The following SGCZ variants were observed in gnomAD, a reference collection of about 807,000 sequenced individuals.
SGCZ encodes the protein sarcoglycan zeta, also known as zeta-sarcoglycan.
Under a neutral mutation model 41.3 loss-of-function variants are expected in SGCZ, and 40 were observed. That is an observed-to-expected ratio of 0.97 (90% CI 0.75 to 1.26). SGCZ has a LOEUF of 1.26. Among genes scored for constraint, SGCZ ranks in the 50% most tolerant of loss-of-function variants. The probability of loss-of-function intolerance (pLI) is 0.00; values close to 1 mark genes in which losing one functional copy is unlikely to be tolerated. For synonymous variants in SGCZ, 206 were observed against 137.5 expected (o/e 1.50, Z -3.49); for missense variants, 552 against 369.8 (o/e 1.49, Z -4.04).
chr8:15,126,856 G>A (rs545483821), intron 1 of SGCZ, among the ~76,000 whole-genome samples: 60 of 152,260 alleles, frequency 3.9e-4, no homozygotes, highest in African/African-American at 1.3e-3. Flanking sequence ...TCTACTCTAG[G>A]GAAGCTCTTT....
chr8:15,105,732 T>C (rs1255790517), intron 1 of SGCZ, among the ~76,000 whole-genome samples: 1 of 152,174 alleles, frequency 6.6e-6, no homozygotes, highest in Non-Finnish European at 1.5e-5. Flanking sequence ...TGTTTAATCA[T>C]CGTTTGTAGG....
intron 3 of SGCZ, among the ~76,000 whole-genome samples, chr8:14,246,212 G>A (rs539128073): frequency 2.1e-3 from 325 of 152,280 alleles, no homozygotes; most frequent in Non-Finnish European, 4.2e-3. Flanking sequence ...GTCCAACAAT[G>A]ATAGACTGGA....
chr8:15,094,484 G>A (rs1344315120), intron 1 of SGCZ, among the ~76,000 whole-genome samples: 13 of 152,088 alleles, frequency 8.5e-5, no homozygotes, highest in Non-Finnish European at 1.5e-4. Flanking sequence ...CATATGAGCC[G>A]GGAATTCAGT....
At chr8:14,512,981 A>G (rs977541098) in intron 2 of SGCZ, among the ~76,000 whole-genome samples, 13 of 152,156 alleles carry the variant, frequency 8.5e-5, no homozygotes, top group African/African-American at 2.9e-4. Context: ...ATCCACACTA[A>G]TTATTCAGGG....
chr8:14,948,293 G>C (rs1260850394), intron 1 of SGCZ, among the ~76,000 whole-genome samples: 4 of 151,894 alleles, frequency 2.6e-5, no homozygotes, highest in Non-Finnish European at 5.9e-5. Context: ...ATGAGAACTG[G>C]GTATTCTCTC....
intron 2 of SGCZ, among the ~76,000 whole-genome samples, chr8:14,427,842 A>G (rs548312683): frequency 8.3e-4 from 126 of 152,310 alleles, no homozygotes; most frequent in African/African-American, 2.9e-3. Context: ...AGCAGATTCA[A>G]CCAATCATGG....
At chr8:14,260,476 G>C (rs1388304196) in intron 3 of SGCZ, among the ~76,000 whole-genome samples, 1 of 146,524 alleles carries the variant, frequency 6.8e-6, no homozygotes, top group East Asian at 2.0e-4. Context: ...TGGAGAAATA[G>C]GAACACTTTT....
chr8:14,169,894 A>C (rs1478024), intron 4 of SGCZ, among the ~76,000 whole-genome samples: 108,116 of 151,908 alleles, frequency 0.71, 40,106 homozygotes, highest in East Asian at 0.85. Flanking sequence ...AAAGAAAGAA[A>C]GGGCTGAAAG....
chr8:14,682,670 G>A (rs1808487512), intron 1 of SGCZ, among the ~76,000 whole-genome samples: 5 of 152,248 alleles, frequency 3.3e-5, no homozygotes, highest in African/African-American at 1.2e-4. Context: ...TCCTGACCTT[G>A]TGATCGGCCC....
chr8:14,906,166 C>A (rs1436082223), intron 1 of SGCZ, among the ~76,000 whole-genome samples: 1 of 152,032 alleles, frequency 6.6e-6, no homozygotes, highest in African/African-American at 2.4e-5. Context: ...GATTAACTCT[C>A]TAGGACACAT....
chr8:15,126,145 C>CA (rs1807672648), intron 1 of SGCZ, among the ~76,000 whole-genome samples: 1 of 151,894 alleles, frequency 6.6e-6, no homozygotes, highest in African/African-American at 2.4e-5. Context: ...GACGCCATCT[C>CA]AAAAAAGCAA....
chr8:14,502,851 G>A (rs1802194863), intron 2 of SGCZ, among the ~76,000 whole-genome samples: 1 of 152,150 alleles, frequency 6.6e-6, no homozygotes, highest in South Asian at 2.1e-4. Flanking sequence ...ACTGTTGGTG[G>A]GAGTGTAAAT....
chr8:14,239,602 T>C (rs1798786692), intron 3 of SGCZ, among the ~76,000 whole-genome samples: 1 of 152,136 alleles, frequency 6.6e-6, no homozygotes, highest in Non-Finnish European at 1.5e-5. Flanking sequence ...GTATATATAA[T>C]TTATAGACTA....
intron 1 of SGCZ, among the ~76,000 whole-genome samples, chr8:14,737,527 A>C (rs1391858669): frequency 1.3e-5 from 2 of 152,136 alleles, no homozygotes; most frequent in African/African-American, 4.8e-5. Flanking sequence ...CTGATATAAC[A>C]AAATGGCACT....
At chr8:14,710,086 G>A (rs1435751766) in intron 1 of SGCZ, among the ~76,000 whole-genome samples, 1 of 152,086 alleles carries the variant, frequency 6.6e-6, no homozygotes, top group Non-Finnish European at 1.5e-5. Context: ...AAATTAATGG[G>A]CCAGGCGCGG....
At chr8:14,808,562 T>A (rs1801629691) in intron 1 of SGCZ, among the ~76,000 whole-genome samples, 1 of 152,146 alleles carries the variant, frequency 6.6e-6, no homozygotes, top group South Asian at 2.1e-4. Context: ...ATGGCGATCA[T>A]TAAAAAGTCA....
chr8:14,138,358 G>A (rs963152075), intron 5 of SGCZ, among the ~76,000 whole-genome samples: 6 of 152,178 alleles, frequency 3.9e-5, no homozygotes, highest in Admixed American at 2.6e-4. Flanking sequence ...ATGTAAATGG[G>A]CTAAATGCCC....
intron 1 of SGCZ, among the ~76,000 whole-genome samples, chr8:14,882,461 T>A (rs551043720): frequency 6.6e-6 from 1 of 152,204 alleles, no homozygotes; most frequent in Non-Finnish European, 1.5e-5. Context: ...CTTCTATCTA[T>A]GTGTTAGAGT....
intron 1 of SGCZ, among the ~76,000 whole-genome samples, chr8:14,635,898 GA>G (rs1806812211): frequency 6.6e-6 from 1 of 151,846 alleles, no homozygotes; most frequent in Non-Finnish European, 1.5e-5. Context: ...CGTTATTTAA[GA>G]AAACTGATCA....
Sources: gnomAD v4.1 joint callset for allele counts (sites outside exome capture counted in the v4.1 genomes callset) on GRCh38, gnomAD v4.1.1 for gene constraint, MANE v1.5 for transcripts, NCBI Gene and HGNC (gene_info 2026-07-23, HGNC 2026-07-21) for gene names.